Variants in OSBPL9 observed in about 807,000 individuals in gnomAD.
OSBPL9 encodes the protein oxysterol binding protein like 9.
Under a neutral mutation model 106.6 loss-of-function variants are expected in OSBPL9, and 40 were observed. The observed-to-expected ratio is 0.38, with a 90% CI of 0.29 to 0.49. OSBPL9 has a LOEUF of 0.49. OSBPL9 is among the 20% of genes least tolerant of loss of function. The pLI is 0.97. For missense variants in OSBPL9, 609 were observed against 887.2 expected (o/e 0.69, Z 3.98); for synonymous variants, 269 against 295.4 (o/e 0.91, Z 0.92).
At chr1:51,658,677 G>A (rs1646961840) in intron 2 of OSBPL9, among the ~76,000 whole-genome samples, 1 of 151,972 alleles carries the variant, frequency 6.6e-6, no homozygotes, top group Non-Finnish European at 1.5e-5. Context: ...GGTCGGTGGT[G>A]CACCATGACA....
intron 2 of OSBPL9, among the ~76,000 whole-genome samples, chr1:51,610,458 C>G (rs1215332473): frequency 2.0e-5 from 3 of 152,160 alleles, no homozygotes; most frequent in African/African-American, 7.2e-5. Context: ...CGGGGTTTCA[C>G]CTTGTTGGCC....
In OSBPL9 at chr1:51,597,056, G is replaced by A. The variant is rs1272298239; in HGVS notation, c.-422-1068G>A. Among the ~76,000 whole-genome samples the A allele has an allele frequency of 3.9e-5, 6 of 152,258 alleles. No homozygotes were observed. The East Asian group carries it at 1.2e-3, about 29-fold the overall frequency. Reference sequence around the variant, plus strand: ...TTTGGTTGCCATGTATTCATCTGGGGCAAGTGTTCCAAGAAGAGGCAACAA... The same window carrying A: ...TTTGGTTGCCATGTATTCATCTGGGACAAGTGTTCCAAGAAGAGGCAACAA... On this transcript the variant is annotated intron_variant, in intron 1 of 25. Coordinates refer to the OSBPL9 transcript ENST00000371714.
chr1:51,784,493 T>C lies in OSBPL9; in HGVS notation c.1740T>C (p.Asn580=). The change falls in exon 20 of 24, where the codon AAT becomes AAC. Residue 580 remains asparagine, a synonymous_variant. Transcript: ENST00000428468. ...AATTAGGAGGAGAATGCAATATTAA[T>C]TGTTCCAAAACAGGCTATAGTGCAA... ...WVELGGECNI[N]CSKTGYSANI... 6.2e-7 allele frequency: 1 copy of C among 1,613,970 alleles called. No homozygotes were observed. Among genetic ancestry groups the C allele is most frequent in the Non-Finnish European group, 8.5e-7 (1 of 1,179,790 alleles).
At chr1:51,624,791 C>T (rs12037556) in intron 1 of OSBPL9, among the ~76,000 whole-genome samples, 4,907 of 152,142 alleles carry the variant, frequency 0.032, 208 homozygotes, top group East Asian at 0.11. Flanking sequence ...TTCTTTTGGG[C>T]ATTAATCATC....
At chr1:51,767,936 C>CTTTTTTTTTTTTTTTTTT (rs869092922) in intron 12 of OSBPL9, among the ~76,000 whole-genome samples, 1 of 65,016 alleles carries the variant, frequency 1.5e-5, no homozygotes, top group African/African-American at 6.0e-5. Flanking sequence ...TAAAGACCGT[C>CTTTTTTTTTTTTTTTTTT]TTTTTTTTTT....
At chr1:51,756,072 G>A (rs146609450) in intron 8 of OSBPL9, among the ~76,000 whole-genome samples, 5 of 152,298 alleles carry the variant, frequency 3.3e-5, no homozygotes, top group African/African-American at 9.6e-5. Context: ...ATATTTCCAC[G>A]ATGAACTTAG....
At chr1:51,551,701 C>T in the OSBPL9 span, among the ~76,000 whole-genome samples, 1 of 152,054 alleles carries the variant, frequency 6.6e-6, no homozygotes, top group East Asian at 1.9e-4. Flanking sequence ...GTCCTCCCAC[C>T]TCAGCCTCCT....
chr1:51,713,243 G>A (rs966644435), intron 3 of OSBPL9, among the ~76,000 whole-genome samples: 7 of 152,020 alleles, frequency 4.6e-5, no homozygotes, highest in African/African-American at 7.2e-5. Context: ...TCCGCCTCCC[G>A]GGTTCAAGTG....
the OSBPL9 span, among the ~76,000 whole-genome samples, chr1:51,553,517 G>A: frequency 2.6e-5 from 4 of 151,172 alleles, no homozygotes; most frequent in African/African-American, 7.3e-5. Flanking sequence ...CTGTCTCAAC[G>A]ACAACAAAAA....
chr1:51,703,996 A>G (rs1017733876), intron 3 of OSBPL9, among the ~76,000 whole-genome samples: 9 of 152,228 alleles, frequency 5.9e-5, no homozygotes, highest in African/African-American at 1.7e-4. Context: ...CCACTTGATC[A>G]TGGTAGATAA....
intron 3 of OSBPL9, among the ~76,000 whole-genome samples, chr1:51,691,228 A>C (rs181032059): frequency 6.6e-6 from 1 of 151,576 alleles, no homozygotes; most frequent in Admixed American, 6.6e-5. Context: ...TTTATTTAAA[A>C]ATTTTTTCTT....
chr1:51,585,201 C>T (rs1645240841), intron 1 of OSBPL9, among the ~76,000 whole-genome samples: 1 of 151,220 alleles, frequency 6.6e-6, no homozygotes, highest in East Asian at 1.9e-4. Context: ...GTCAGAAGGC[C>T]CTCAACTTAT....
Position 51,767,213 on chromosome 1 carries a change from G to A in OSBPL9, c.938+1232G>A, listed in dbSNP as rs536733576. Among the ~76,000 whole-genome samples, 4 of 152,012 alleles carry A rather than the reference G, an allele frequency of 2.6e-5. No homozygotes were observed. In the South Asian group the frequency reaches 8.3e-4, roughly 32 times the overall value. ...GTTTGAGACCAGCTTGGGCAACATG[G>A]TAAAACCCTGTCTCTAAAAAAATAC... On this transcript the variant is annotated intron_variant, in intron 12 of 23. Transcript: ENST00000428468.
chr1:51,723,934 A>AT (rs915904947), intron 4 of OSBPL9, among the ~76,000 whole-genome samples: 5 of 151,886 alleles, frequency 3.3e-5, no homozygotes, highest in African/African-American at 9.7e-5. Context: ...CTAGGTTGGT[A>AT]TTTTTTTCTC....
the OSBPL9 span, among the ~76,000 whole-genome samples, chr1:51,549,766 G>C: frequency 6.6e-6 from 1 of 152,248 alleles, no homozygotes; most frequent in African/African-American, 2.4e-5. Flanking sequence ...CCTGGAGGTG[G>C]AGGTTACAGT....
chr1:51,601,237 C>T (rs1645324182), intron 2 of OSBPL9, among the ~76,000 whole-genome samples: 1 of 152,170 alleles, frequency 6.6e-6, no homozygotes, highest in African/African-American at 2.4e-5. Flanking sequence ...ATAAATTATG[C>T]ACTAAGGCCC....
At chr1:51,773,950 T>C (rs1487145151) in intron 14 of OSBPL9, among the ~76,000 whole-genome samples, 1 of 142,438 alleles carries the variant, frequency 7.0e-6, no homozygotes, top group Non-Finnish European at 1.5e-5. Context: ...GCGTTGTTGT[T>C]GTTGTTGTTG....
the OSBPL9 span, among the ~76,000 whole-genome samples, chr1:51,541,658 A>G: frequency 2.7e-4 from 41 of 152,320 alleles, no homozygotes; most frequent in African/African-American, 9.4e-4. Flanking sequence ...GATGGTCAGC[A>G]TAGTGCTGCC....
the OSBPL9 span, chr1:51,560,984 C>T: frequency 2.6e-5 from 4 of 152,230 alleles, no homozygotes; most frequent in Non-Finnish European, 4.4e-5. Context: ...CACGGTGGCT[C>T]ACGATTGTAA....
Sources: gnomAD v4.1 joint callset for allele counts (sites outside exome capture counted in the v4.1 genomes callset) on GRCh38, gnomAD v4.1.1 for gene constraint, MANE v1.5 for transcripts, NCBI Gene and HGNC (gene_info 2026-07-23, HGNC 2026-07-21) for gene names.